ADGB: variants seen among roughly 807,000 people sequenced by gnomAD.
ADGB encodes the protein androglobin, also known as calpain-7-like protein.
Under a neutral mutation model 210.5 loss-of-function variants are expected in ADGB, and 172 were observed. That is an observed-to-expected ratio of 0.82 (90% CI 0.72 to 0.93). ADGB has a LOEUF of 0.93. Ranked by LOEUF, ADGB falls within the 40% of genes least tolerant of loss-of-function variation. The pLI, the probability that ADGB is intolerant of heterozygous loss-of-function variation, is 0.00. For synonymous variants in ADGB, 658 were observed against 662.7 expected (o/e 0.99, Z 0.11); for missense variants, 2,025 against 1,964.8 (o/e 1.03, Z -0.58).
chr6:146,762,665 C>A (rs1006119405), intron 27 of ADGB, among the ~76,000 whole-genome samples: 1 of 152,016 alleles, frequency 6.6e-6, no homozygotes, highest in African/African-American at 2.4e-5. Context: ...TTCTGGCGGG[C>A]AGTTAATTTA....
At chr6:146,732,309 C>A (rs1776999696) in intron 20 of ADGB, among the ~76,000 whole-genome samples, 1 of 152,106 alleles carries the variant, frequency 6.6e-6, no homozygotes. Context: ...ATCGGTGACC[C>A]ACCTAATGGA....
chr6:146,626,838 T>C (rs1353257054), intron 1 of ADGB, among the ~76,000 whole-genome samples: 3 of 152,064 alleles, frequency 2.0e-5, no homozygotes, highest in African/African-American at 7.2e-5. Context: ...CCATTATTTC[T>C]TCAAGTAGTA....
At chr6:146,625,360 A>G (rs1780957433) in intron 1 of ADGB, among the ~76,000 whole-genome samples, 1 of 152,002 alleles carries the variant, frequency 6.6e-6, no homozygotes, top group Non-Finnish European at 1.5e-5. Flanking sequence ...TCTGAAATCT[A>G]CTTTTTATAA....
intron 8 of ADGB, among the ~76,000 whole-genome samples, chr6:146,675,790 GT>G (rs1315453392): frequency 1.3e-5 from 2 of 152,170 alleles, no homozygotes; most frequent in African/African-American, 2.4e-5. Context: ...GGATACAAGA[GT>G]TTTATTACCT....
chr6:146,691,444 A>ATATATATT (rs1562275559), intron 11 of ADGB, among the ~76,000 whole-genome samples, 154 bp downstream of exon 11: 1 of 21,280 alleles, frequency 4.7e-5, no homozygotes, highest in African/African-American at 4.5e-4. Context: ...ATATATATAA[A>ATATATATT]AATATATATA....
chr6:146,664,291 C>T lies in ADGB; in HGVS notation c.703C>T (p.Leu235=). ...TCCAGCTACAACTTATGAATTTGAA[C>T]TGTGGCCAATGCTTTTGTCTAAAGC... The part of the protein sequence containing the change: ...LLPATTYEFE[L]WPMLLSKAII... Residue 235 remains leucine, a synonymous_variant, in exon 6 of 36, where the codon CTG becomes TTG. Transcript: ENST00000397944. The T allele has an allele frequency of 6.5e-7, 1 of 1,549,924 alleles. No homozygotes were observed. Among genetic ancestry groups the T allele is most frequent in the East Asian group, 2.5e-5 (1 of 40,794 alleles).
chr6:146,729,939 C>T (rs1356990506), intron 20 of ADGB, among the ~76,000 whole-genome samples: 1 of 152,118 alleles, frequency 6.6e-6, no homozygotes, highest in Non-Finnish European at 1.5e-5. Flanking sequence ...CTTTAAACAC[C>T]TGTAGATTCC....
chr6:146,645,452 C>T (rs1467420485), intron 3 of ADGB, among the ~76,000 whole-genome samples: 1 of 151,964 alleles, frequency 6.6e-6, no homozygotes, highest in Non-Finnish European at 1.5e-5. Flanking sequence ...CTCATAACAG[C>T]TATATGTTAG....
chr6:146,604,185 G>T (rs1406704102), intron 1 of ADGB, among the ~76,000 whole-genome samples: 1 of 152,140 alleles, frequency 6.6e-6, no homozygotes, highest in Non-Finnish European at 1.5e-5. Context: ...CAATGTGGCC[G>T]AGGACTTTGA....
At chr6:146,610,298 G>A (rs751196409) in intron 1 of ADGB, among the ~76,000 whole-genome samples, 2 of 152,112 alleles carry the variant, frequency 1.3e-5, no homozygotes, top group African/African-American at 2.4e-5. Flanking sequence ...CTGAATCTCC[G>A]CAATCTATGT....
At chr6:146,609,540 A>G (rs1238691812) in intron 1 of ADGB, among the ~76,000 whole-genome samples, 1 of 151,946 alleles carries the variant, frequency 6.6e-6, no homozygotes, top group African/African-American at 2.4e-5. Context: ...TAGGTGATTT[A>G]TAGTGTCAAT....
At chr6:146,743,549 A>T (rs1200033995) in intron 25 of ADGB, among the ~76,000 whole-genome samples, 1 of 152,200 alleles carries the variant, frequency 6.6e-6, no homozygotes, top group Non-Finnish European at 1.5e-5. Flanking sequence ...GTAAATTGAG[A>T]TTGCAGCAAA....
intron 13 of ADGB, among the ~76,000 whole-genome samples, chr6:146,703,879 C>T (rs77667561): frequency 1.0e-4 from 15 of 146,856 alleles, no homozygotes; most frequent in Non-Finnish European, 2.0e-4. Flanking sequence ...TTTTTTTTTT[C>T]AACCTCCATA....
intron 13 of ADGB, among the ~76,000 whole-genome samples, chr6:146,713,851 T>C (rs1441668199): frequency 3.9e-5 from 6 of 152,154 alleles, no homozygotes; most frequent in Non-Finnish European, 5.9e-5. Flanking sequence ...AGCTTCTCTC[T>C]ATGTTTTCTT....
chr6:146,769,586 T>A (rs1777624429), intron 29 of ADGB, among the ~76,000 whole-genome samples: 1 of 152,150 alleles, frequency 6.6e-6, no homozygotes, highest in Non-Finnish European at 1.5e-5. Context: ...AAATATAAAC[T>A]ACTCTAGTAT....
At chr6:146,740,002 A>T (rs1041695487) in intron 23 of ADGB, among the ~76,000 whole-genome samples, 6 of 152,206 alleles carry the variant, frequency 3.9e-5, no homozygotes, top group African/African-American at 1.4e-4. Flanking sequence ...GCATAGCCTT[A>T]AATTTTTAAA....
chr6:146,650,715 T>C (rs1324704016), intron 3 of ADGB, among the ~76,000 whole-genome samples: 1 of 150,092 alleles, frequency 6.7e-6, no homozygotes, highest in African/African-American at 2.5e-5. Flanking sequence ...GACAATCCGA[T>C]GGACCTGGTC....
chr6:146,723,830 AT>A (rs1383837260), intron 17 of ADGB, among the ~76,000 whole-genome samples: 2 of 152,168 alleles, frequency 1.3e-5, no homozygotes, highest in African/African-American at 4.8e-5. Context: ...AAGATGTAAT[AT>A]GTTTTCTTCC....
At position 146,746,107 on chromosome 6, in the gene ADGB, C is replaced by A; in HGVS notation, c.3363C>A (p.Phe1121Leu). The A allele has an allele frequency of 6.5e-7, 1 of 1,534,122 alleles. No individual in the cohort carries two copies. The highest frequency in any genetic ancestry group is 1.2e-5 in the South Asian group (1 of 81,382). Residue 1121 changes from phenylalanine to leucine, a missense_variant and splice_region_variant, in exon 26 of 36, where the codon TTC becomes TTA. Phe to Leu is a conservative substitution (Grantham distance 22). Transcript: ENST00000397944. ...TACCCAATGATAAGAAAATTTTATT[C>A]AGGTACAAGTAAATGACAGAAGGGG... ...YYIPNDKKILFRYSVKVLTPQ... is the reference protein window; with the variant it reads ...YYIPNDKKILLRYSVKVLTPQ...
Sources: gnomAD v4.1 joint callset for allele counts (sites outside exome capture counted in the v4.1 genomes callset) on GRCh38, gnomAD v4.1.1 for gene constraint, MANE v1.5 for transcripts, NCBI Gene and HGNC (gene_info 2026-07-23, HGNC 2026-07-21) for gene names.